CILK1: variants seen among roughly 807,000 people sequenced by gnomAD.
The protein encoded by CILK1 is ciliogenesis associated kinase 1, also known as serine/threonine-protein kinase ICK.
Under a neutral mutation model 79.2 loss-of-function variants are expected in CILK1, and 47 were observed. The observed-to-expected ratio is 0.59, with a 90% CI of 0.47 to 0.76. CILK1 has a LOEUF of 0.76. Among genes scored for constraint, CILK1 ranks in the 30% least tolerant of loss-of-function variants. CILK1 has a pLI of 0.00. For synonymous variants in CILK1, 266 were observed against 275.9 expected, an observed-to-expected ratio of 0.96 and a Z score of 0.36; for missense variants, 660 against 769.5, an observed-to-expected ratio of 0.86 and a Z score of 1.68.
chr6:53,053,059 A>ATT (rs1767599664), intron 1 of CILK1, among the ~76,000 whole-genome samples: 1 of 151,666 alleles, frequency 6.6e-6, no homozygotes, highest in Non-Finnish European at 1.5e-5. Context: ...CCTGAAAAAA[A>ATT]AAAAAACCTT....
chr6:53,014,221 C>T (rs1764762027), intron 8 of CILK1, among the ~76,000 whole-genome samples: 1 of 152,076 alleles, frequency 6.6e-6, no homozygotes, highest in South Asian at 2.1e-4. Flanking sequence ...CTGCTGTTAC[C>T]CTGGCTACTT....
At chr6:53,008,541 C>T (rs1376816588) in intron 12 of CILK1, among the ~76,000 whole-genome samples, 2 of 152,030 alleles carry the variant, frequency 1.3e-5, no homozygotes, top group African/African-American at 4.8e-5. Context: ...TATCCTGCCT[C>T]AGCCTCCTGA....
chr6:53,060,827 T>C (rs1303571506), intron 1 of CILK1: 1 of 152,200 alleles, frequency 6.6e-6, no homozygotes, highest in African/African-American at 2.4e-5. Flanking sequence ...CTCCACTCAC[T>C]GGGAAATGTG....
chr6:53,051,494 T>C (rs1230180422), intron 1 of CILK1, among the ~76,000 whole-genome samples: 3 of 152,204 alleles, frequency 2.0e-5, no homozygotes, highest in Non-Finnish European at 2.9e-5. Context: ...CTTCTGGTGG[T>C]TGCAAGCACT....
intron 1 of CILK1, among the ~76,000 whole-genome samples, chr6:53,045,694 C>T (rs879495791): frequency 6.0e-5 from 9 of 151,194 alleles, no homozygotes; most frequent in Non-Finnish European, 8.8e-5. Flanking sequence ...TAACCCCACT[C>T]TAAGTTGAGA....
intron 1 of CILK1, among the ~76,000 whole-genome samples, chr6:53,048,777 G>A (rs2048506573): frequency 1.3e-5 from 2 of 152,214 alleles, no homozygotes; most frequent in African/African-American, 2.4e-5. Context: ...CTCAGGCACA[G>A]CAGCCACCCC....
intron 1 of CILK1, among the ~76,000 whole-genome samples, chr6:53,061,232 T>C (rs903573721): frequency 1.3e-5 from 2 of 152,160 alleles, no homozygotes; most frequent in African/African-American, 4.8e-5. Flanking sequence ...TAAAAAATGG[T>C]TGCAAATAAG....
chr6:53,036,502 A>G (rs1421922361), intron 3 of CILK1, among the ~76,000 whole-genome samples: 1 of 152,060 alleles, frequency 6.6e-6, no homozygotes. Flanking sequence ...TGCAACCTCC[A>G]CTTCCCGGGT....
At chr6:53,045,651 G>A (rs1161114133) in intron 1 of CILK1, among the ~76,000 whole-genome samples, 1 of 152,006 alleles carries the variant, frequency 6.6e-6, no homozygotes, top group African/African-American at 2.4e-5. Context: ...TTTTGACAAT[G>A]ATTTTTTAAC....
chr6:53,057,424 G>A (rs6911437), intron 1 of CILK1, among the ~76,000 whole-genome samples: 7,507 of 152,142 alleles, frequency 0.049, 459 homozygotes, highest in African/African-American at 0.14. Context: ...GCACTATTGT[G>A]GCCCTTTCAT....
intron 7 of CILK1, 107 bp from the exon 8 acceptor site, chr6:53,016,357 C>A: frequency 9.4e-7 from 1 of 1,062,308 alleles, no homozygotes; most frequent in Admixed American, 1.7e-5. Flanking sequence ...TCATTACCCA[C>A]CCACATTCAT....
chr6:53,032,636 G>A lies in CILK1; in HGVS notation c.175C>T (p.His59Tyr). ...REVKSLKKLN[H>Y]ANVVKLKEVI... ...TCTTTTAATTTGACTACATTGGCAT[G>A]GTTGAGCTTCTTTAAAGACTAAAAG... Residue 59 changes from histidine (H) to tyrosine (Y), a missense_variant, in exon 4 of 14, where the codon CAT becomes TAT. By Grantham distance (83) the His-to-Tyr change is moderately conservative (BLOSUM62 2). Transcript: ENST00000676107. 6.2e-7 allele frequency: 1 copy of A among 1,604,978 alleles called. No homozygotes were observed. Among genetic ancestry groups the A allele is most frequent in the Non-Finnish European group, 8.5e-7 (1 of 1,173,744 alleles).
chr6:53,031,027 C>T (rs375611641), intron 5 of CILK1, 38 bp downstream of exon 5: 2 of 1,345,570 alleles, frequency 1.5e-6, no homozygotes, highest in Non-Finnish European at 2.1e-6. Flanking sequence ...AACAACATTT[C>T]ACTGCTCTTC....
At chr6:53,055,969 C>T (rs1366838397) in intron 1 of CILK1, among the ~76,000 whole-genome samples, 5 of 152,110 alleles carry the variant, frequency 3.3e-5, no homozygotes, top group Admixed American at 1.3e-4. Flanking sequence ...TGAAAACTGC[C>T]GAGGGTGGCA....
chr6:53,033,839 G>A (rs914597162), intron 3 of CILK1, among the ~76,000 whole-genome samples: 4 of 152,120 alleles, frequency 2.6e-5, no homozygotes, highest in African/African-American at 9.7e-5. Flanking sequence ...CGAGAGAGAG[G>A]AAATATGGTC....
chr6:53,016,020 T>G (rs769443609), intron 8 of CILK1, 63 bp downstream of exon 8: 2 of 1,481,938 alleles, frequency 1.3e-6, no homozygotes, highest in Non-Finnish European at 9.4e-7. Flanking sequence ...ATATTTCCTG[T>G]GCAATTCATA....
intron 9 of CILK1, among the ~76,000 whole-genome samples, chr6:53,012,792 C>CAGCAGTCAGCAAATACT (rs1377733713): frequency 1.6e-4 from 24 of 152,150 alleles, no homozygotes; most frequent in South Asian, 2.1e-4. Flanking sequence ...GGTTGGGAGC[C>CAGCAGTCAGCAAATACT]AGCAGTCAGC....
At chr6:53,029,441 C>T (rs1306234566) in intron 5 of CILK1, among the ~76,000 whole-genome samples, 1 of 152,214 alleles carries the variant, frequency 6.6e-6, no homozygotes, top group Admixed American at 6.5e-5. Flanking sequence ...TTGCATAGTA[C>T]ATGCTGATTA....
At chr6:53,031,277 C>A in intron 4 of CILK1, 133 bp from the exon 5 acceptor site, 1 of 639,148 alleles carries the variant, frequency 1.6e-6, no homozygotes. Context: ...GTTACAAAAA[C>A]AAAAAGATTA....
Sources: gnomAD v4.1 joint callset for allele counts (sites outside exome capture counted in the v4.1 genomes callset) on GRCh38, gnomAD v4.1.1 for gene constraint, MANE v1.5 for transcripts, NCBI Gene and HGNC (gene_info 2026-07-23, HGNC 2026-07-21) for gene names.